Variants in PRKG1 observed in about 807,000 individuals in gnomAD.
The protein encoded by PRKG1 is cGMP-dependent protein kinase 1.
PRKG1 carries 35 observed loss-of-function variants against 88.1 expected under a neutral mutation model. The observed-to-expected ratio is 0.40, with a 90% confidence interval of 0.30 to 0.53. The LOEUF is 0.53. PRKG1 is among the 20% of genes least tolerant of loss of function. The pLI, the probability that PRKG1 is intolerant of heterozygous loss-of-function variation, is 0.59. For synonymous variants in PRKG1, 303 were observed against 292.5 expected, an observed-to-expected ratio of 1.04 and a Z score of -0.37; for missense variants, 540 against 839.8, an observed-to-expected ratio of 0.64 and a Z score of 4.41.
chr10:51,588,579 G>T (rs1278905334), intron 3 of PRKG1, among the ~76,000 whole-genome samples: 1 of 152,078 alleles, frequency 6.6e-6, no homozygotes, highest in Admixed American at 6.6e-5. Context: ...AGGAGAACTT[G>T]TCAAAAACAG....
intron 2 of PRKG1, chr10:51,245,640 A>C (rs887993943): frequency 6.6e-6 from 1 of 152,114 alleles, no homozygotes; most frequent in Admixed American, 6.6e-5. Context: ...TATATAATTT[A>C]TTGATATAAT....
intron 7 of PRKG1, among the ~76,000 whole-genome samples, chr10:52,129,500 A>T (rs538235195): frequency 6.6e-6 from 1 of 152,186 alleles, no homozygotes; most frequent in Admixed American, 6.5e-5. Context: ...ACTAAATCAG[A>T]TAGTATTTTG....
At chr10:52,033,668 C>T (rs1845527107) in intron 5 of PRKG1, among the ~76,000 whole-genome samples, 1 of 152,054 alleles carries the variant, frequency 6.6e-6, no homozygotes, top group South Asian at 2.1e-4. Context: ...ATATGTAAAG[C>T]AGGAGCTGTT....
At chr10:51,070,509 A>G (rs1444942506), upstream of PRKG1, among the ~76,000 whole-genome samples, 2 of 152,204 alleles carry the variant, frequency 1.3e-5, no homozygotes, top group Admixed American at 1.3e-4. Context: ...ATACACATGA[A>G]ATGACAGAAG....
intron 3 of PRKG1, among the ~76,000 whole-genome samples, chr10:51,781,658 C>T (rs1838591648): frequency 6.6e-6 from 1 of 152,090 alleles, no homozygotes; most frequent in Non-Finnish European, 1.5e-5. Flanking sequence ...AGAGCTAGTA[C>T]AAGCACTCTT....
At chr10:51,913,013 T>C (rs1289632509) in intron 5 of PRKG1, among the ~76,000 whole-genome samples, 1 of 152,090 alleles carries the variant, frequency 6.6e-6, no homozygotes, top group African/African-American at 2.4e-5. Flanking sequence ...ACTGCAACCT[T>C]CATCGCCCCG....
chr10:51,896,684 GA>G (rs1385999011), intron 4 of PRKG1, among the ~76,000 whole-genome samples: 2 of 142,698 alleles, frequency 1.4e-5, no homozygotes, highest in Non-Finnish European at 3.0e-5. Flanking sequence ...AAGATTCTGA[GA>G]TGCAGAGAGG....
intron 2 of PRKG1, among the ~76,000 whole-genome samples, chr10:51,422,727 T>A (rs1009174716): frequency 7.2e-5 from 11 of 152,288 alleles, no homozygotes; most frequent in Middle Eastern, 6.8e-3. Flanking sequence ...TTAAGTTTCT[T>A]TTTTGTTTTT....
intron 7 of PRKG1, among the ~76,000 whole-genome samples, chr10:52,127,757 A>G (rs1847963502): frequency 6.6e-6 from 1 of 152,158 alleles, no homozygotes; most frequent in South Asian, 2.1e-4. Context: ...CATGATTAGA[A>G]GGTATATAAT....
chr10:51,586,887 G>A (rs1838187601), intron 3 of PRKG1, among the ~76,000 whole-genome samples: 1 of 152,124 alleles, frequency 6.6e-6, no homozygotes, highest in Admixed American at 6.6e-5. Flanking sequence ...GGATGTACAT[G>A]TATTCCTGTC....
chr10:51,361,200 G>A (rs989815330), intron 2 of PRKG1, among the ~76,000 whole-genome samples: 1 of 151,908 alleles, frequency 6.6e-6, no homozygotes, highest in South Asian at 2.1e-4. Flanking sequence ...CTCCACAGGT[G>A]CCACTGCCAC....
At position 51,581,078 on chromosome 10, in the gene PRKG1, G is replaced by T. The variant is rs181843108; in HGVS notation, c.592+113242G>T. Among the ~76,000 whole-genome samples, 92 of 152,266 alleles carry T rather than the reference G, an allele frequency of 6.0e-4. 1 individual carries two copies. Among genetic ancestry groups the T allele is most frequent in the African/African-American group, 2.1e-3 (88 of 41,556 alleles). On this transcript the variant is annotated intron_variant, in intron 3 of 17. Coordinates refer to ENST00000373980, the MANE Select transcript of PRKG1 (RefSeq NM_006258.4). The stretch of plus-strand genomic sequence containing the variant: ...GATATACCAGCATTTATTAAGTTTA[G>T]TGAGGGCAGGAGTAGGTTAGTGAGG...
chr10:51,856,120 A>T (rs1253648260), intron 4 of PRKG1, among the ~76,000 whole-genome samples: 1 of 152,122 alleles, frequency 6.6e-6, no homozygotes, highest in Non-Finnish European at 1.5e-5. Context: ...ACCCATAAGG[A>T]CAATTATGGG....
chr10:51,098,835 G>A (rs1002253299), intron 1 of PRKG1, among the ~76,000 whole-genome samples: 1 of 152,134 alleles, frequency 6.6e-6, no homozygotes, highest in Non-Finnish European at 1.5e-5. Flanking sequence ...CCAATAGCCT[G>A]CATTGGCCAC....
chr10:51,006,437 C>T (rs1295703888), intron 1 of PRKG1, among the ~76,000 whole-genome samples: 2 of 152,106 alleles, frequency 1.3e-5, no homozygotes, highest in Non-Finnish European at 2.9e-5. Flanking sequence ...AATGTTAGCT[C>T]TCATTGTTAT....
At chr10:51,343,012 G>A (rs1009638796) in intron 2 of PRKG1, among the ~76,000 whole-genome samples, 1 of 152,158 alleles carries the variant, frequency 6.6e-6, no homozygotes, top group Non-Finnish European at 1.5e-5. Flanking sequence ...AGGGGTTAAG[G>A]TAGACTTCAC....
intron 5 of PRKG1, among the ~76,000 whole-genome samples, chr10:52,006,474 T>C (rs1844739262): frequency 6.6e-6 from 1 of 151,800 alleles, no homozygotes; most frequent in Non-Finnish European, 1.5e-5. Flanking sequence ...TACACAAGAA[T>C]TGCATAATGC....
At chr10:52,242,534 A>T (rs895019793) in intron 9 of PRKG1, among the ~76,000 whole-genome samples, 5 of 152,226 alleles carry the variant, frequency 3.3e-5, no homozygotes, top group Non-Finnish European at 7.3e-5. Context: ...TTAAAGTAAC[A>T]TATACCAAAA....
intron 3 of PRKG1, among the ~76,000 whole-genome samples, chr10:51,766,040 T>C (rs907738540): frequency 6.6e-6 from 1 of 152,070 alleles, no homozygotes; most frequent in Non-Finnish European, 1.5e-5. Context: ...GTCACACCAA[T>C]GCACCACAAT....
Sources: allele counts gnomAD v4.1 joint callset (sites outside exome capture counted in the v4.1 genomes callset), GRCh38; gene constraint gnomAD v4.1.1; transcripts MANE v1.5; gene names NCBI Gene and HGNC (gene_info 2026-07-23, HGNC 2026-07-21).